RAB3C: variants seen among roughly 807,000 people sequenced by gnomAD.
The protein encoded by RAB3C is RAB3C, member RAS oncogene family, also known as ras-related protein Rab-3C.
In RAB3C, 17 loss-of-function variants were observed where a neutral mutation model predicts 26.4. The ratio of observed to expected loss-of-function variants is 0.64; its 90% CI spans 0.44 to 0.97. The LOEUF (loss-of-function observed/expected upper bound fraction) is 0.97, where lower values mean the gene tolerates loss of function less well. Ranked by LOEUF, RAB3C falls within the 50% of genes least tolerant of loss-of-function variation. The probability of loss-of-function intolerance (pLI) is 0.00; values close to 1 mark genes in which losing one functional copy is unlikely to be tolerated. For synonymous variants in RAB3C, 91 were observed against 95.9 expected (o/e 0.95, Z 0.30); for missense variants, 242 against 281.9 (o/e 0.86, Z 1.01).
chr5:58,630,366 G>A (rs1011051391), intron 2 of RAB3C, among the ~76,000 whole-genome samples: 47 of 151,952 alleles, frequency 3.1e-4, no homozygotes, highest in African/African-American at 1.1e-3. Context: ...TTTTATGTGG[G>A]TTATATCTAC....
intron 3 of RAB3C, among the ~76,000 whole-genome samples, chr5:58,809,526 A>C (rs1308005167): frequency 6.6e-6 from 1 of 152,214 alleles, no homozygotes; most frequent in Non-Finnish European, 1.5e-5. Context: ...CCTCAAATTC[A>C]TATTTCCCTC....
intron 2 of RAB3C, among the ~76,000 whole-genome samples, chr5:58,710,599 A>AAAATATAT (rs369239366): frequency 0.32 from 43,503 of 135,378 alleles, 6,913 homozygotes; most frequent in African/African-American, 0.35. Flanking sequence ...ACTCTGTCTC[A>AAAATATAT]AAATAAATAA....
At chr5:58,610,946 C>G (rs1471291608) in intron 1 of RAB3C, among the ~76,000 whole-genome samples, 3 of 152,012 alleles carry the variant, frequency 2.0e-5, no homozygotes, top group Non-Finnish European at 4.4e-5. Context: ...ATTTTGTTCC[C>G]CTCTATGTGT....
rs1554044139 is a variant in RAB3C at position 58,612,548 on chromosome 5, G to GTGTA, written c.25-5094_25-5093insGTAT. Among the ~76,000 whole-genome samples the GTGTA allele has an allele frequency of 4.2e-3, 341 of 80,366 alleles. 3 individuals are homozygous for GTGTA. The highest frequency in any genetic ancestry group is 0.015 in the African/African-American group (319 of 21,626). The allele number at this position is 80,366 out of a possible 152,430, so 52.7% of individuals were successfully genotyped here. ...TATATATATATATATATATATATATGTATATATATATATATGTATATATAT... is the reference window on the plus strand; with the variant it reads ...TATATATATATATATATATATATATGTGTATATATATATATATATGTATATATAT... On this transcript the variant is annotated intron_variant, in intron 1 of 4. Transcript: ENST00000282878.
chr5:58,732,764 A>T (rs954780533), intron 3 of RAB3C, among the ~76,000 whole-genome samples: 6 of 152,208 alleles, frequency 3.9e-5, no homozygotes, highest in Non-Finnish European at 7.4e-5. Context: ...GGAAGACCTC[A>T]GGTGCTTATA....
intron 2 of RAB3C, among the ~76,000 whole-genome samples, chr5:58,654,043 TA>T (rs1747712252): frequency 6.6e-6 from 1 of 152,222 alleles, no homozygotes; most frequent in Non-Finnish European, 1.5e-5. Context: ...CTGACTAATT[TA>T]ATGTTTTCTG....
chr5:58,849,108 C>G (rs295665), intron 4 of RAB3C, among the ~76,000 whole-genome samples: 1 of 151,944 alleles, frequency 6.6e-6, no homozygotes, highest in South Asian at 2.1e-4. Context: ...TTGATAAAAC[C>G]TTGTGTGGAT....
At chr5:58,631,730 T>G (rs879442634) in intron 2 of RAB3C, among the ~76,000 whole-genome samples, 1 of 152,178 alleles carries the variant, frequency 6.6e-6, no homozygotes, top group African/African-American at 2.4e-5. Context: ...AATAGTTTTG[T>G]TTTTTGGGGT....
chr5:58,732,242 T>G (rs1418372441), intron 3 of RAB3C, among the ~76,000 whole-genome samples: 1 of 151,728 alleles, frequency 6.6e-6, no homozygotes, highest in African/African-American at 2.4e-5. Flanking sequence ...GAAATACAAT[T>G]TGGTTATGAG....
chr5:58,609,309 C>T (rs1746642062), intron 1 of RAB3C, among the ~76,000 whole-genome samples: 1 of 152,046 alleles, frequency 6.6e-6, no homozygotes, highest in African/African-American at 2.4e-5. Context: ...TACATTTTAC[C>T]TTCAGGAGCC....
At chr5:58,588,267 A>G (rs779671015) in intron 1 of RAB3C, among the ~76,000 whole-genome samples, 2 of 152,190 alleles carry the variant, frequency 1.3e-5, no homozygotes, top group African/African-American at 2.4e-5. Context: ...ATTAAGCTTT[A>G]TAAGAAACAA....
intron 3 of RAB3C, among the ~76,000 whole-genome samples, chr5:58,810,355 A>G (rs1743040149): frequency 8.6e-6 from 1 of 115,706 alleles, no homozygotes; most frequent in South Asian, 3.0e-4. Context: ...GTACAAAAGT[A>G]CTCTGTGTGC....
At chr5:58,834,691 C>T (rs948907523) in intron 4 of RAB3C, among the ~76,000 whole-genome samples, 1 of 152,162 alleles carries the variant, frequency 6.6e-6, no homozygotes, top group Non-Finnish European at 1.5e-5. Flanking sequence ...CCATTATATC[C>T]CCAGGCTCAC....
chr5:58,706,919 A>G (rs1337946661), intron 2 of RAB3C, among the ~76,000 whole-genome samples: 1 of 152,246 alleles, frequency 6.6e-6, no homozygotes, highest in Non-Finnish European at 1.5e-5. Context: ...AGAAAAGCCC[A>G]GACAACATTT....
chr5:58,670,531 A>G (rs2111822806), intron 2 of RAB3C, among the ~76,000 whole-genome samples: 1 of 152,296 alleles, frequency 6.6e-6, no homozygotes, highest in South Asian at 2.1e-4. Flanking sequence ...TTTTCAAAGC[A>G]AAGTTATGTA....
At chr5:58,629,349 A>T (rs1349648944) in intron 2 of RAB3C, among the ~76,000 whole-genome samples, 1 of 152,208 alleles carries the variant, frequency 6.6e-6, no homozygotes, top group Non-Finnish European at 1.5e-5. Flanking sequence ...AGAGCCAGGC[A>T]GGGGCTGTAT....
chr5:58,791,589 A>T (rs976526374), intron 3 of RAB3C, among the ~76,000 whole-genome samples: 1 of 152,362 alleles, frequency 6.6e-6, no homozygotes, highest in South Asian at 2.1e-4. Context: ...AACATAATTC[A>T]TGTCCTCCAG....
chr5:58,745,392 C>CAAAAAAAAAAAAAA lies in RAB3C; in HGVS notation c.371+19286_371+19299dup, dbSNP rs1173604247. Reference sequence around the variant, plus strand: ...GCCTGGGCTGAGCGAGACTCTGCTTCAAAAAAAAAAAAAAAAAAAAAAAAA... The same window carrying CAAAAAAAAAAAAAA: ...GCCTGGGCTGAGCGAGACTCTGCTTCAAAAAAAAAAAAAAAAAAAAAAAAAAAAAAAAAAAAAAA... On this transcript the variant is annotated intron_variant, in intron 3 of 4. Coordinates refer to ENST00000282878, the MANE Select transcript of RAB3C (RefSeq NM_138453.4). Among the ~76,000 whole-genome samples, 20 of 33,110 alleles carry CAAAAAAAAAAAAAA rather than the reference C, an allele frequency of 6.0e-4. 3 individuals carry two copies. Among genetic ancestry groups the CAAAAAAAAAAAAAA allele is most frequent in the African/African-American group, 1.8e-3 (19 of 10,760 alleles). 21.7% of individuals were successfully genotyped at this position (33,110 alleles called of 152,430 possible). A position where few individuals can be genotyped will look rare whatever the true frequency, so the allele number is the denominator to read the frequency against.
intron 2 of RAB3C, among the ~76,000 whole-genome samples, chr5:58,694,841 G>C (rs898756285): frequency 6.6e-6 from 1 of 152,124 alleles, no homozygotes; most frequent in Non-Finnish European, 1.5e-5. Flanking sequence ...CCCTTTGTCA[G>C]ATGGGTAGAT....
Sources: allele counts gnomAD v4.1 joint callset (sites outside exome capture counted in the v4.1 genomes callset), GRCh38; gene constraint gnomAD v4.1.1; transcripts MANE v1.5; gene names NCBI Gene and HGNC (gene_info 2026-07-23, HGNC 2026-07-21).